PTPRA: variants seen among roughly 807,000 people sequenced by gnomAD.
PTPRA encodes receptor-type tyrosine-protein phosphatase alpha.
Under a neutral mutation model 104.8 loss-of-function variants are expected in PTPRA, and 25 were observed. The observed-to-expected ratio is 0.24, with a 90% CI of 0.17 to 0.33. The LOEUF is 0.33. Among genes scored for constraint, PTPRA ranks in the 10% least tolerant of loss-of-function variants. PTPRA has a pLI of 1.00. For synonymous variants in PTPRA, 323 were observed against 368.9 expected, an observed-to-expected ratio of 0.88 and a Z score of 1.43; for missense variants, 765 against 1,015.3, an observed-to-expected ratio of 0.75 and a Z score of 3.35.
intron 1 of PTPRA, among the ~76,000 whole-genome samples, chr20:2,897,466 C>T (rs909957732): frequency 6.8e-6 from 1 of 147,748 alleles, no homozygotes; most frequent in Admixed American, 7.0e-5. Flanking sequence ...CGTCTCACTG[C>T]AACCTCTGCC....
At chr20:2,868,154 C>T in the PTPRA span, among the ~76,000 whole-genome samples, 3 of 152,080 alleles carry the variant, frequency 2.0e-5, no homozygotes, top group African/African-American at 7.2e-5. Flanking sequence ...GTGGCTGGGT[C>T]CCAAGGACAA....
chr20:3,032,326 C>T (rs908123414), intron 20 of PTPRA, among the ~76,000 whole-genome samples: 21 of 152,204 alleles, frequency 1.4e-4, no homozygotes, highest in Non-Finnish European at 2.9e-4. Context: ...CCACCTCCAT[C>T]AGCAGTTCCC....
the PTPRA span, among the ~76,000 whole-genome samples, chr20:2,867,469 T>C: frequency 6.6e-6 from 1 of 151,976 alleles, no homozygotes; most frequent in African/African-American, 2.4e-5. Flanking sequence ...TCTCTCTATC[T>C]AGCCTTCCGT....
chr20:3,027,166 A>C lies in PTPRA; in HGVS notation c.1754A>C (p.Asn585Thr). ...VIIPVKRGEE[N>T]TDYVNASFID... ...ATTCCAGTTAAGCGGGGCGAAGAGA[A>C]TACAGACTATGTGAACGCATCCTTT... Residue 585 changes from asparagine (N) to threonine (T), a missense_variant, in exon 19 of 24, where the codon AAT becomes ACT. By Grantham distance (65) the Asn-to-Thr change is moderately conservative. Coordinates refer to ENST00000399903, the MANE Select transcript of PTPRA (RefSeq NM_001385305.1). The C allele has an allele frequency of 6.2e-7, 1 of 1,614,212 alleles. No homozygotes were observed. The highest frequency in any genetic ancestry group is 2.2e-5 in the East Asian group (1 of 44,890).
intron 9 of PTPRA, among the ~76,000 whole-genome samples, chr20:3,000,994 GA>G (rs1260497808): frequency 8.0e-4 from 122 of 151,804 alleles, no homozygotes; most frequent in African/African-American, 2.8e-3. Context: ...CAACAAATGT[GA>G]AAAAAAAATT....
intron 1 of PTPRA, among the ~76,000 whole-genome samples, chr20:2,885,130 G>A (rs1748066): frequency 0.65 from 98,947 of 152,092 alleles, 34,179 homozygotes; most frequent in African/African-American, 0.86. Flanking sequence ...TTGAGGAACA[G>A]AAAGAACGCC....
chr20:2,906,801 T>A (rs2059443294), intron 1 of PTPRA, among the ~76,000 whole-genome samples: 2 of 152,236 alleles, frequency 1.3e-5, no homozygotes, highest in African/African-American at 4.8e-5. Context: ...TGATTTTAAT[T>A]GAGCATATTA....
chr20:2,992,962 G>A (rs1051005060), intron 9 of PTPRA, among the ~76,000 whole-genome samples: 7 of 152,238 alleles, frequency 4.6e-5, no homozygotes, highest in South Asian at 2.1e-4. Context: ...GTATGCACCC[G>A]TAGTTCCAGC....
rs948389783 is a variant in PTPRA, at chr20:2,998,105, G to GGAGCTACAGT, written c.739-6938_739-6929dup. On this transcript the variant is annotated intron_variant, in intron 9 of 23. Coordinates refer to ENST00000399903, the MANE Select transcript of PTPRA (RefSeq NM_001385305.1). ...ATAGTGCTAACTTTATAGAGCTGCA[G>GGAGCTACAGT]GAGCTACAGTGAGCTACAGTGATCA... 6.0e-5 allele frequency among the ~76,000 whole-genome samples: 9 copies of GGAGCTACAGT among 150,544 alleles called. No individual in the cohort carries two copies. The Admixed American group carries it at 6.0e-4, about 10-fold the overall frequency.
At chr20:2,890,386 T>C (rs1041751756) in intron 1 of PTPRA, among the ~76,000 whole-genome samples, 8 of 152,224 alleles carry the variant, frequency 5.3e-5, no homozygotes, top group African/African-American at 1.9e-4. Flanking sequence ...CTTCTGAGAC[T>C]CACTTTTGTC....
chr20:3,020,643 G>A (rs2064820196), intron 13 of PTPRA, among the ~76,000 whole-genome samples: 1 of 152,222 alleles, frequency 6.6e-6, no homozygotes. Flanking sequence ...GCCACAGCCA[G>A]AGCCAATTCT....
chr20:3,019,229 G>A (rs1286168714), intron 13 of PTPRA, among the ~76,000 whole-genome samples: 4 of 144,872 alleles, frequency 2.8e-5, no homozygotes, highest in South Asian at 2.1e-4. Flanking sequence ...CCTCCCGGAC[G>A]GGGCGGCTGG....
Position 2,923,534 on chromosome 20 carries a change from C to CACAAA in PTPRA, c.-50+251_-50+252insAAAAC, listed in dbSNP as rs564240681. 1.3e-4 allele frequency among the ~76,000 whole-genome samples: 19 copies of CACAAA among 151,542 alleles called. No homozygotes were observed. In the South Asian group the frequency reaches 3.3e-3, roughly 27 times the overall value. ...CAAAGTCAGGCTGGGCATGGTGGAT[C>CACAAA]ACGCCTGTAATCCCAGCACTTTGGG... is the stretch of plus-strand genomic sequence containing the variant. On this transcript the variant is annotated intron_variant, in intron 2 of 23. Transcript: ENST00000399903.
At chr20:3,033,857 G>A (rs1012663741) in intron 20 of PTPRA, among the ~76,000 whole-genome samples, 4 of 145,094 alleles carry the variant, frequency 2.8e-5, no homozygotes, top group Admixed American at 7.1e-5. Flanking sequence ...CCAAGATCGC[G>A]CCATTGCACT....
chr20:2,887,836 C>T (rs557994446), intron 1 of PTPRA, among the ~76,000 whole-genome samples: 17 of 152,196 alleles, frequency 1.1e-4, no homozygotes, highest in Non-Finnish European at 1.8e-4. Context: ...GAGGCCCAAG[C>T]TTTTACGGGG....
Position 3,027,737 on chromosome 20 carries a change from A to G in PTPRA, c.1816A>G (p.Ser606Gly), listed in dbSNP as rs1003407302. ...GYRQKDSYIA[S>G]QGPLLHTIED... ...CCGGCAGAAGGACTCCTATATCGCC[A>G]GCCAGGGCCCTCTTCTCCACACAAT... The change falls in exon 20 of 24, where the codon AGC becomes GGC. Residue 606 changes from serine to glycine, a missense_variant. By Grantham distance (56) the Ser-to-Gly change is moderately conservative. Coordinates refer to ENST00000399903, the MANE Select transcript of PTPRA (RefSeq NM_001385305.1). The G allele has an allele frequency of 6.8e-6, 11 of 1,614,130 alleles. No individual in the cohort carries two copies. The highest frequency in any genetic ancestry group is 8.5e-6 in the Non-Finnish European group (10 of 1,180,004).
At chr20:3,000,203 G>A (rs1252523198) in intron 9 of PTPRA, among the ~76,000 whole-genome samples, 1 of 152,108 alleles carries the variant, frequency 6.6e-6, no homozygotes, top group African/African-American at 2.4e-5. Context: ...AAGGAGAATT[G>A]CTTGAACACA....
chr20:2,988,462 G>A lies in PTPRA; in HGVS notation c.726G>A (p.Arg242=), dbSNP rs2063000970. The change falls in exon 9 of 24, where the codon AGG becomes AGA. Residue 242 remains arginine (R), a synonymous_variant. Transcript: ENST00000399903. ...TGGCAGACGACAATAAGCTCTTCAGGGAGGAATTCAACGTGAGTACTTTGT... is the reference window on the plus strand; with the variant it reads ...TGGCAGACGACAATAAGCTCTTCAGAGAGGAATTCAACGTGAGTACTTTGT... The part of the protein sequence containing the change: ...RRMADDNKLF[R]EEFNALPACP... 1.2e-6 allele frequency: 2 copies of A among 1,612,888 alleles called. No homozygotes were observed. Among genetic ancestry groups the A allele is most frequent in the Non-Finnish European group, 8.5e-7 (1 of 1,179,806 alleles).
intron 6 of PTPRA, among the ~76,000 whole-genome samples, chr20:2,980,338 C>CA (rs1441237044): frequency 1.3e-5 from 2 of 151,896 alleles, no homozygotes; most frequent in African/African-American, 4.8e-5. Context: ...GAGGCTGAGG[C>CA]AGGCTGATCA....
Sources: allele counts gnomAD v4.1 joint callset (sites outside exome capture counted in the v4.1 genomes callset), GRCh38; gene constraint gnomAD v4.1.1; transcripts MANE v1.5; gene names NCBI Gene and HGNC (gene_info 2026-07-23, HGNC 2026-07-21).